AHDC1: variants seen among roughly 807,000 people sequenced by gnomAD.
AHDC1 encodes the protein transcription factor Gibbin.
AHDC1 carries 7 observed loss-of-function variants against 87.9 expected under a neutral mutation model. That is an observed-to-expected ratio of 0.08 (90% CI 0.05 to 0.15). The LOEUF (loss-of-function observed/expected upper bound fraction) is 0.15, where lower values mean the gene tolerates loss of function less well. Among genes scored for constraint, AHDC1 ranks in the 10% least tolerant of loss-of-function variants. The pLI is 1.00. For synonymous variants in AHDC1, 1,051 were observed against 1,006.8 expected (o/e 1.04, Z -0.83); for missense variants, 1,841 against 2,253.2 (o/e 0.82, Z 3.70).
chr1:27,595,749 ATCGT>A lies in AHDC1; in HGVS notation c.-629+7644_-629+7647del, dbSNP rs2089352890. 6.6e-6 allele frequency among the ~76,000 whole-genome samples: 1 copy of A among 151,956 alleles called. No individual in the cohort carries two copies. Among genetic ancestry groups the A allele is most frequent in the Non-Finnish European group, 1.5e-5 (1 of 67,978 alleles). ...TGATATCAGAGATGTGCCACAGGCTATCGTCCGTGCATGCACAGGTATGAGGGCT... is the reference window on the plus strand; with the variant it reads ...TGATATCAGAGATGTGCCACAGGCTACCGTGCATGCACAGGTATGAGGGCT... On this transcript the variant is annotated intron_variant, in intron 3 of 8. Transcript: ENST00000673934. This position sits in a 1 kb window ranked among gnomAD's most constrained non-coding sequence, Gnocchi z 4.0.
chr1:27,547,439 C>A lies in AHDC1; in HGVS notation c.4677G>T (p.Leu1559=). 6.3e-7 allele frequency: 1 copy of A among 1,587,474 alleles called. No individual in the cohort carries two copies. Among genetic ancestry groups the A allele is most frequent in the Non-Finnish European group, 8.6e-7 (1 of 1,161,820 alleles). Residue 1559 remains leucine (L), a synonymous_variant, in exon 8 of 9, where the codon CTG becomes CTT. Coordinates refer to ENST00000673934, the MANE Select transcript of AHDC1 (RefSeq NM_001371928.1). This position sits in a 1 kb window ranked among gnomAD's most constrained non-coding sequence, Gnocchi z 4.9. ...SPVPRDSLLP[L]QDTAYRYPGF... Reference sequence around the variant, plus strand: ...CTGGGTACCTGTAGGCGGTGTCCTGCAGGGGCAGCAGCGAGTCCCTCGGCA... The same window carrying A: ...CTGGGTACCTGTAGGCGGTGTCCTGAAGGGGCAGCAGCGAGTCCCTCGGCA...
chr1:27,540,099 C>T (rs2148208847), intron 8 of AHDC1, among the ~76,000 whole-genome samples: 1 of 152,290 alleles, frequency 6.6e-6, no homozygotes, highest in South Asian at 2.1e-4. Flanking sequence ...AACCATGGAA[C>T]CAGGCAATCC....
In AHDC1 at chr1:27,548,978, G is replaced by A. The variant is rs1191745936; in HGVS notation, c.3138C>T (p.Phe1046=). The A allele has an allele frequency of 5.8e-6, 9 of 1,565,078 alleles. No homozygotes were observed. The highest frequency in any genetic ancestry group is 7.8e-6 in the Non-Finnish European group (9 of 1,154,170). ...GCAGGGGCGTGGGGGCTGAACCAGA[G>A]AAGGGGGCCCCCTCAGAGCTGCTGA... The part of the protein sequence containing the change: ...SFFSSSEGAP[F]SGSAPTPLRC... The change falls in exon 8 of 9, where the codon TTC becomes TTT. Residue 1046 remains phenylalanine (F), a synonymous_variant. Coordinates refer to ENST00000673934, the MANE Select transcript of AHDC1 (RefSeq NM_001371928.1).
intron 3 of AHDC1, among the ~76,000 whole-genome samples, chr1:27,564,638 T>C (rs969132222): frequency 6.6e-6 from 1 of 152,162 alleles, no homozygotes; most frequent in African/African-American, 2.4e-5. Context: ...TTAAGACTGC[T>C]TGGAGGTCAA....
intron 3 of AHDC1, among the ~76,000 whole-genome samples, chr1:27,586,683 A>G (rs1184021697): frequency 1.3e-5 from 2 of 152,180 alleles, no homozygotes; most frequent in East Asian, 3.9e-4. Flanking sequence ...GGCAACCCCA[A>G]ATATCAAAGG....
At chr1:27,570,965 G>A (rs1181146058) in intron 3 of AHDC1, among the ~76,000 whole-genome samples, 1 of 152,066 alleles carries the variant, frequency 6.6e-6, no homozygotes, top group African/African-American at 2.4e-5. Flanking sequence ...GTGGCTATAA[G>A]GTGACAGACC....
intron 3 of AHDC1, among the ~76,000 whole-genome samples, chr1:27,587,376 A>G (rs1386415354): frequency 6.6e-6 from 1 of 152,124 alleles, no homozygotes; most frequent in East Asian, 1.9e-4. Context: ...CCGTTCCACA[A>G]CTTTCCCTTC....
rs998201659 is a variant in AHDC1 at position 27,598,550 on chromosome 1, T to C, written c.-629+4847A>G. Reference sequence around the variant, plus strand: ...GGAGGGGGGCTCCTTCCCTCCTCCTTTCCAGGCAGTCCCTGGGGACCCCTC... The same window carrying C: ...GGAGGGGGGCTCCTTCCCTCCTCCTCTCCAGGCAGTCCCTGGGGACCCCTC... On this transcript the variant is annotated intron_variant, in intron 3 of 8. Transcript: ENST00000673934. This position sits in a 1 kb window ranked among gnomAD's most constrained non-coding sequence, Gnocchi z 4.2. Among the ~76,000 whole-genome samples the C allele has an allele frequency of 1.4e-4, 21 of 152,148 alleles. No homozygotes were observed. The highest frequency in any genetic ancestry group is 5.1e-4 in the African/African-American group (21 of 41,436).
chr1:27,548,568 C>T lies in AHDC1; in HGVS notation c.3548G>A (p.Arg1183Gln), dbSNP rs1367351434. 7.4e-6 allele frequency: 12 copies of T among 1,613,424 alleles called. No homozygotes were observed. Among genetic ancestry groups the T allele is most frequent in the African/African-American group, 2.7e-5 (2 of 74,944 alleles). ...FNQPVGGGGF[R>Q]RANSEASSSE... ...ACTTGAGGCCTCGCTGTTGGCACGC[C>T]GAAACCCCCCGCCACCAACCGGCTG... is the stretch of plus-strand genomic sequence containing the variant. Residue 1183 changes from arginine (R) to glutamine (Q), a missense_variant, in exon 8 of 9, where the codon CGG becomes CAG. Physicochemically the swap from Arg to Gln is conservative, Grantham distance 43. Transcript: ENST00000673934.
intron 8 of AHDC1, among the ~76,000 whole-genome samples, chr1:27,535,757 G>A (rs2018610457): frequency 6.6e-6 from 1 of 152,084 alleles, no homozygotes; most frequent in South Asian, 2.1e-4. Context: ...CCCATCGCCA[G>A]ACACTCGAGA....
At position 27,561,419 on chromosome 1, in the gene AHDC1, G is replaced by A. The variant is rs138958182; in HGVS notation, c.-628-2536C>T. ...ATACTCCCCAGCAGATAAACGTCAG[G>A]CCCCCACCCAGTGTAAATGAACTTC... On this transcript the variant is annotated intron_variant, in intron 3 of 8. Transcript: ENST00000673934. The surrounding 1 kb of genome is among the most constrained non-coding windows in gnomAD (Gnocchi z 4.2). Among the ~76,000 whole-genome samples the A allele has an allele frequency of 0.012, 1,781 of 152,260 alleles. 32 individuals are homozygous for A. The highest frequency in any genetic ancestry group is 0.041 in the African/African-American group (1,688 of 41,546).
In AHDC1 at chr1:27,562,630, G is replaced by A. The variant is rs768823763; in HGVS notation, c.-628-3747C>T. Among the ~76,000 whole-genome samples, 3 of 152,186 alleles carry A rather than the reference G, an allele frequency of 2.0e-5. No homozygotes were observed. Among genetic ancestry groups the A allele is most frequent in the Non-Finnish European group, 2.9e-5 (2 of 68,022 alleles). On this transcript the variant is annotated intron_variant, in intron 3 of 8. Coordinates refer to ENST00000673934, the MANE Select transcript of AHDC1 (RefSeq NM_001371928.1). The surrounding 1 kb of genome is among the most constrained non-coding windows in gnomAD (Gnocchi z 4.4). Reference sequence around the variant, plus strand: ...ACATATGGGTGAGAGGGTAGATCATGCGGGACTGAGCACCCCCCAGCTCCC... The same window carrying A: ...ACATATGGGTGAGAGGGTAGATCATACGGGACTGAGCACCCCCCAGCTCCC...
In AHDC1 at chr1:27,549,374, G is replaced by A; in HGVS notation, c.2742C>T (p.Val914=). Residue 914 remains valine, a synonymous_variant, in exon 8 of 9, where the codon GTC becomes GTT. Coordinates refer to ENST00000673934, the MANE Select transcript of AHDC1 (RefSeq NM_001371928.1). ...GTGGGAAGGTCTGGCGCGCGGACAG[G>A]ACAGGCTGAAAGGAGGGGTCCGCCC... ...GAGADPSFQP[V]LSARQTFPPG... The A allele has an allele frequency of 3.1e-6, 5 of 1,613,132 alleles. No individual in the cohort carries two copies. Among genetic ancestry groups the A allele is most frequent in the Non-Finnish European group, 4.2e-6 (5 of 1,179,864 alleles).
Position 27,548,078 on chromosome 1 carries a change from G to C in AHDC1, c.4038C>G (p.Pro1346=). ...GERDPCDFIG[P]YSMNPSTPSD... ...AAGGCGTGGACGGGTTCATGGAGTA[G>C]GGTCCTATGAAGTCACAGGGGTCTC... Residue 1346 remains proline, a synonymous_variant, in exon 8 of 9, where the codon CCC becomes CCG. Coordinates refer to ENST00000673934, the MANE Select transcript of AHDC1 (RefSeq NM_001371928.1). 1 of 1,613,966 alleles carries C rather than the reference G, an allele frequency of 6.2e-7. No homozygotes were observed. Among genetic ancestry groups the C allele is most frequent in the Non-Finnish European group, 8.5e-7 (1 of 1,180,032 alleles).
chr1:27,579,788 A>G (rs939559566), intron 3 of AHDC1, among the ~76,000 whole-genome samples: 1 of 152,248 alleles, frequency 6.6e-6, no homozygotes, highest in African/African-American at 2.4e-5. Flanking sequence ...AGTACTACTC[A>G]TGACAGAGAC....
chr1:27,542,621 G>A (rs147259611), intron 8 of AHDC1, among the ~76,000 whole-genome samples: 197 of 152,344 alleles, frequency 1.3e-3, no homozygotes, highest in African/African-American at 3.1e-3. Flanking sequence ...GCAGAGAGGT[G>A]ACGTGACTCA....
At chr1:27,600,023 G>A (rs1038928218) in intron 3 of AHDC1, among the ~76,000 whole-genome samples, 1 of 151,912 alleles carries the variant, frequency 6.6e-6, no homozygotes, top group Non-Finnish European at 1.5e-5. Context: ...TCCAGGGAGG[G>A]GAGTGGTATA....
intron 3 of AHDC1, among the ~76,000 whole-genome samples, chr1:27,599,596 T>C (rs1193327464): frequency 1.3e-5 from 2 of 152,200 alleles, no homozygotes; most frequent in Non-Finnish European, 2.9e-5. Flanking sequence ...CTCCTCTCCC[T>C]AGACTTGGCT....
chr1:27,565,763 T>G lies in AHDC1; in HGVS notation c.-628-6880A>C, dbSNP rs1202611580. Among the ~76,000 whole-genome samples the G allele has an allele frequency of 6.6e-6, 1 of 152,184 alleles. No homozygotes were observed. Among genetic ancestry groups the G allele is most frequent in the Admixed American group, 6.5e-5 (1 of 15,288 alleles). On this transcript the variant is annotated intron_variant, in intron 3 of 8. Coordinates refer to ENST00000673934, the MANE Select transcript of AHDC1 (RefSeq NM_001371928.1). This position sits in a 1 kb window ranked among gnomAD's most constrained non-coding sequence, Gnocchi z 4.6. ...GGAAGGGACAAATCCCAAGAATCAG[T>G]GAGGCCTGTTCTCTAGAGAGCTTCT... is the stretch of plus-strand genomic sequence containing the variant.
Sources: allele counts gnomAD v4.1 joint callset (sites outside exome capture counted in the v4.1 genomes callset), GRCh38; gene constraint gnomAD v4.1.1; non-coding constraint Gnocchi (gnomAD v3.1); transcripts MANE v1.5; gene names NCBI Gene and HGNC (gene_info 2026-07-23, HGNC 2026-07-21).